NLRP4: variants seen among roughly 807,000 people sequenced by gnomAD.
The protein encoded by NLRP4 is NACHT, LRR and PYD domains-containing protein 4.
In NLRP4, 44 loss-of-function variants were observed where a neutral mutation model predicts 84.7. The ratio of observed to expected loss-of-function variants is 0.52; its 90% CI spans 0.41 to 0.67. The LOEUF (loss-of-function observed/expected upper bound fraction) is 0.67. NLRP4 is among the 30% of genes least tolerant of loss of function. The probability of loss-of-function intolerance (pLI) is 0.00; values close to 1 mark genes in which losing one functional copy is unlikely to be tolerated. For synonymous variants in NLRP4, 544 were observed against 476.4 expected, an observed-to-expected ratio of 1.14 and a Z score of -1.85; for missense variants, 1,260 against 1,219.4, an observed-to-expected ratio of 1.03 and a Z score of -0.50.
At chr19:55,874,202 T>A (rs945748597) in intron 7 of NLRP4, among the ~76,000 whole-genome samples, 4 of 152,218 alleles carry the variant, frequency 2.6e-5, no homozygotes, top group African/African-American at 7.2e-5. Context: ...AGTAATTTTA[T>A]AAGTAAATAT....
At chr19:55,848,312 A>G (rs1053112671) in intron 1 of NLRP4, among the ~76,000 whole-genome samples, 5 of 151,870 alleles carry the variant, frequency 3.3e-5, no homozygotes, top group African/African-American at 1.2e-4. Context: ...TTGATCTCCT[A>G]GCTTAGGTGT....
chr19:55,859,226 G>C lies in NLRP4; in HGVS notation c.1833G>C (p.Lys611Asn). 1 of 1,604,146 alleles carries C rather than the reference G, an allele frequency of 6.2e-7. No homozygotes were observed. Among genetic ancestry groups the C allele is most frequent in the Non-Finnish European group, 8.5e-7 (1 of 1,171,730 alleles). ...GTTTTTCCGTTCAAAATGTCTTTAA[G>C]AAAGAGGATGAACACAGCTCTACGT... ...KLCFSVQNVF[K>N]KEDEHSSTSD... The change falls in exon 3 of 10, where the codon AAG becomes AAC. Residue 611 changes from lysine (K) to asparagine (N), a missense_variant. Lys to Asn is a moderately conservative substitution (Grantham distance 94). Transcript: ENST00000301295.
At chr19:55,877,411 G>T (rs962869769) in intron 8 of NLRP4, among the ~76,000 whole-genome samples, 1 of 152,158 alleles carries the variant, frequency 6.6e-6, no homozygotes, top group African/African-American at 2.4e-5. Flanking sequence ...TTAACTGAGG[G>T]ATTGGCTGGT....
At position 55,857,125 on chromosome 19, in the gene NLRP4, GTC is replaced by G. The variant is rs1256105681; in HGVS notation, c.281-546_281-545del. Among the ~76,000 whole-genome samples the G allele has an allele frequency of 3.3e-5, 5 of 152,172 alleles. No homozygotes were observed. In the East Asian group the frequency reaches 9.6e-4, roughly 29 times the overall value. On this transcript the variant is annotated intron_variant, in intron 2 of 9. Transcript: ENST00000301295. ...TTTTAATATTTGTATAATAGCTTGTGTCTCATAAATTATTTAACTGGTCTTGA... is the reference window on the plus strand; with the variant it reads ...TTTTAATATTTGTATAATAGCTTGTGTCATAAATTATTTAACTGGTCTTGA...
chr19:55,867,703 C>T lies in NLRP4; in HGVS notation c.2187-6C>T. 2 of 1,611,780 alleles carry T rather than the reference C, an allele frequency of 1.2e-6. No individual in the cohort carries two copies. Among genetic ancestry groups the T allele is most frequent in the Non-Finnish European group, 1.7e-6 (2 of 1,178,508 alleles). ...AACAGAATGTGACATTTTCCCTTTC[C>T]TGCAGGCTGGTAAATTGTCACCTCT... On this transcript the variant is annotated splice_region_variant and splice_polypyrimidine_tract_variant and intron_variant, in intron 5 of 9. Transcript: ENST00000301295.
intron 1 of NLRP4, among the ~76,000 whole-genome samples, chr19:55,842,910 C>T (rs1312039826): frequency 1.3e-5 from 2 of 152,010 alleles, no homozygotes; most frequent in East Asian, 3.9e-4. Flanking sequence ...CAGGTGCCCG[C>T]CACCACGCCC....
At chr19:55,854,478 C>T (rs918328257) in intron 2 of NLRP4, among the ~76,000 whole-genome samples, 4 of 151,848 alleles carry the variant, frequency 2.6e-5, no homozygotes, top group Admixed American at 6.6e-5. Flanking sequence ...CTAGTATGTC[C>T]GGTAATTTTG....
intron 3 of NLRP4, among the ~76,000 whole-genome samples, chr19:55,859,918 CT>C: frequency 1.1e-5 from 1 of 89,116 alleles, no homozygotes; most frequent in African/African-American, 5.8e-5. Flanking sequence ...CAGTGAGACT[CT>C]CATCTCCAAA....
At chr19:55,877,952 G>A (rs1441536586) in intron 8 of NLRP4, among the ~76,000 whole-genome samples, 1 of 152,136 alleles carries the variant, frequency 6.6e-6, no homozygotes, top group African/African-American at 2.4e-5. Flanking sequence ...GCCCATAGCA[G>A]CATCTCAGGA....
intron 5 of NLRP4, among the ~76,000 whole-genome samples, chr19:55,864,838 T>C (rs1472700921): frequency 6.6e-6 from 1 of 152,238 alleles, no homozygotes; most frequent in Admixed American, 6.5e-5. Flanking sequence ...GAATGACTAA[T>C]GATGAGCATC....
At chr19:55,838,369 C>T (rs751326292) in intron 1 of NLRP4, among the ~76,000 whole-genome samples, 3 of 151,772 alleles carry the variant, frequency 2.0e-5, no homozygotes, top group Non-Finnish European at 1.5e-5. Context: ...AGTGAAATTA[C>T]ATAGCTGCAA....
chr19:55,840,107 T>G (rs1983550041), intron 1 of NLRP4, among the ~76,000 whole-genome samples: 1 of 152,200 alleles, frequency 6.6e-6, no homozygotes, highest in Non-Finnish European at 1.5e-5. Context: ...ATAGCTGACA[T>G]TGGTAGCTGA....
intron 2 of NLRP4, among the ~76,000 whole-genome samples, chr19:55,855,240 C>T (rs1407242265): frequency 1.3e-5 from 2 of 152,174 alleles, no homozygotes; most frequent in African/African-American, 4.8e-5. Flanking sequence ...GAAGAACATT[C>T]TTTGCACATG....
intron 1 of NLRP4, among the ~76,000 whole-genome samples, chr19:55,844,165 T>C (rs1328046335): frequency 1.3e-5 from 2 of 152,170 alleles, no homozygotes; most frequent in Non-Finnish European, 2.9e-5. Flanking sequence ...GAGAATCAGT[T>C]TATTCCTCTC....
chr19:55,863,944 T>A (rs76192696), intron 5 of NLRP4, among the ~76,000 whole-genome samples: 8,695 of 152,260 alleles, frequency 0.057, 491 homozygotes, highest in East Asian at 0.23. Flanking sequence ...CTAGTCTTTG[T>A]TGGCCATTTT....
At chr19:55,881,249 G>T (rs1201406012) in intron 9 of NLRP4, among the ~76,000 whole-genome samples, 1 of 151,942 alleles carries the variant, frequency 6.6e-6, no homozygotes, top group African/African-American at 2.4e-5. Flanking sequence ...TTACACCACA[G>T]AAATTGGCAA....
rs1279710831 is a variant in NLRP4 at position 55,859,238 on chromosome 19, A to G, written c.1845A>G (p.Glu615=). The G allele has an allele frequency of 5.0e-6, 8 of 1,601,786 alleles. No homozygotes were observed. The East Asian group carries it at 1.8e-4, about 36-fold the overall frequency. ...AAAATGTCTTTAAGAAAGAGGATGA[A>G]CACAGCTCTACGTGAGTCCATCCTA... ...SVQNVFKKED[E]HSSTSDYSLI... is the part of the protein sequence containing the mutation. The change falls in exon 3 of 10, where the codon GAA becomes GAG. Residue 615 remains glutamate (E), a synonymous_variant. Transcript: ENST00000301295.
rs144491217 is a variant in NLRP4 at position 55,852,184 on chromosome 19, T to G, written c.104T>G (p.Leu35Trp). The G allele has an allele frequency of 1.1e-5, 18 of 1,609,102 alleles. No homozygotes were observed. The African/African-American group carries it at 2.3e-4, about 20-fold the overall frequency. The change falls in exon 2 of 10, where the codon TTG becomes TGG. Residue 35 changes from leucine (L) to tryptophan (W), a missense_variant. By Grantham distance (61) the Leu-to-Trp change is moderately conservative. This residue lies in a region of NLRP4 where 712 missense variants were observed against 669.2 expected (regional missense o/e 1.06). Transcript: ENST00000301295. ...KFKEHLKQMTLQLELKQIPWT... is the reference protein window; with the variant it reads ...KFKEHLKQMTWQLELKQIPWT... ...AAAGAACATCTCAAGCAAATGACTTTGCAGCTTGAACTCAAGCAGATTCCC... is the reference window on the plus strand; with the variant it reads ...AAAGAACATCTCAAGCAAATGACTTGGCAGCTTGAACTCAAGCAGATTCCC...
intron 1 of NLRP4, among the ~76,000 whole-genome samples, chr19:55,849,778 G>A (rs937906321): frequency 1.2e-4 from 18 of 145,560 alleles, no homozygotes; most frequent in East Asian, 5.8e-4. Context: ...CTGTAGCTGC[G>A]GTGTAATTTC....
Sources: gnomAD v4.1 joint callset for allele counts (sites outside exome capture counted in the v4.1 genomes callset) on GRCh38, gnomAD v4.1.1 for gene constraint, gnomAD v4.1.1 regional missense constraint, MANE v1.5 for transcripts, NCBI Gene and HGNC (gene_info 2026-07-23, HGNC 2026-07-21) for gene names.